ITPR1: variants seen among roughly 807,000 people sequenced by gnomAD.
The protein encoded by ITPR1 is inositol 1,4,5-trisphosphate-gated calcium channel ITPR1.
In ITPR1, 96 loss-of-function variants were observed where a neutral mutation model predicts 318.4. That is an observed-to-expected ratio of 0.30 (90% CI 0.26 to 0.36). The LOEUF is 0.36. ITPR1 is among the 10% of genes least tolerant of loss of function. The pLI, the probability that ITPR1 is intolerant of heterozygous loss-of-function variation, is 1.00. For synonymous variants in ITPR1, 1,312 were observed against 1,289.9 expected (o/e 1.02, Z -0.37); for missense variants, 2,440 against 3,460.2 (o/e 0.71, Z 7.40).
intron 2 of ITPR1, among the ~76,000 whole-genome samples, chr3:4,512,380 T>G (rs1343605635): frequency 6.6e-6 from 1 of 152,206 alleles, no homozygotes; most frequent in Non-Finnish European, 1.5e-5. Context: ...GAGGTGGAAT[T>G]ACATGCTTTA....
At chr3:4,717,062 C>T (rs1044019644) in intron 39 of ITPR1, among the ~76,000 whole-genome samples, 2 of 152,190 alleles carry the variant, frequency 1.3e-5, no homozygotes, top group African/African-American at 4.8e-5. Flanking sequence ...GCTCCCAGCT[C>T]GGTTCATGTT....
chr3:4,752,478 A>C (rs1007751049), intron 44 of ITPR1, among the ~76,000 whole-genome samples: 4 of 152,168 alleles, frequency 2.6e-5, no homozygotes, highest in African/African-American at 9.7e-5. Flanking sequence ...AGAGGTGACA[A>C]CACCACATCA....
At chr3:4,555,933 A>G (rs1000802778) in intron 4 of ITPR1, among the ~76,000 whole-genome samples, 4 of 152,204 alleles carry the variant, frequency 2.6e-5, no homozygotes, top group Admixed American at 6.5e-5. Flanking sequence ...GCTCGAAGTC[A>G]GGATTTGCAC....
At chr3:4,813,758 A>G (rs731914) in intron 57 of ITPR1, among the ~76,000 whole-genome samples, 4,326 of 152,298 alleles carry the variant, frequency 0.028, 197 homozygotes, top group African/African-American at 0.096. Flanking sequence ...AAATGAAGCC[A>G]CAGATACAAA....
chr3:4,520,280 TG>T (rs1479776681), intron 3 of ITPR1, among the ~76,000 whole-genome samples: 3 of 152,218 alleles, frequency 2.0e-5, no homozygotes. Context: ...CTAAAAGAAT[TG>T]TGCAAGTTAG....
chr3:4,653,037 G>A (rs2093631597), intron 11 of ITPR1, among the ~76,000 whole-genome samples: 1 of 152,196 alleles, frequency 6.6e-6, no homozygotes, highest in African/African-American at 2.4e-5. Flanking sequence ...ACTCAATGCT[G>A]AAGGACAGGA....
chr3:4,755,408 T>C (rs1575135793), intron 44 of ITPR1, among the ~76,000 whole-genome samples: 1 of 62,310 alleles, frequency 1.6e-5, no homozygotes, highest in South Asian at 5.1e-4. Flanking sequence ...AAAAACATTT[T>C]TTTTTTTTTT....
Position 4,726,864 on chromosome 3 carries a change from A to G in ITPR1, c.5173-262A>G, listed in dbSNP as rs558480450. ...GAACTTCTTTTTCATGATCTTTGCA[A>G]TAAATTATGTTGGCCAAAAAGTCAT... On this transcript the variant is annotated intron_variant, in intron 41 of 61. Coordinates refer to ENST00000649015, the MANE Select transcript of ITPR1 (RefSeq NM_001378452.1). Among the ~76,000 whole-genome samples the G allele has an allele frequency of 3.3e-5, 5 of 152,318 alleles. No homozygotes were observed. In the South Asian group the frequency reaches 1.0e-3, roughly 32 times the overall value.
In ITPR1 at chr3:4,667,559, G is replaced by C; in HGVS notation, c.1886+10G>C. 6.2e-7 allele frequency: 1 copy of C among 1,610,812 alleles called. No individual in the cohort carries two copies. Among genetic ancestry groups the C allele is most frequent in the East Asian group, 2.2e-5 (1 of 44,848 alleles). On this transcript the variant is annotated intron_variant, in intron 18 of 61. Transcript: ENST00000649015. Reference sequence around the variant, plus strand: ...AGAACAGGGAGCCCAGGTGAGGCGGGAGTGGGGTCCATGCAGGATGGTGTC... The same window carrying C: ...AGAACAGGGAGCCCAGGTGAGGCGGCAGTGGGGTCCATGCAGGATGGTGTC...
At chr3:4,555,936 A>G (rs1410084438) in intron 4 of ITPR1, among the ~76,000 whole-genome samples, 1 of 152,156 alleles carries the variant, frequency 6.6e-6, no homozygotes, top group African/African-American at 2.4e-5. Context: ...CGAAGTCAGG[A>G]TTTGCACACA....
intron 4 of ITPR1, among the ~76,000 whole-genome samples, chr3:4,603,454 G>C (rs1418135299): frequency 6.6e-6 from 1 of 151,972 alleles, no homozygotes; most frequent in African/African-American, 2.4e-5. Flanking sequence ...TTTTGAGACA[G>C]AGTCTCCTTC....
chr3:4,836,971 C>T, intron 61 of ITPR1, 36 bp downstream of exon 61: 1 of 1,510,314 alleles, frequency 6.6e-7, no homozygotes, highest in Non-Finnish European at 9.0e-7. Context: ...ACCCTCCCAT[C>T]ACTATCCCCA....
intron 20 of ITPR1, among the ~76,000 whole-genome samples, chr3:4,672,353 AC>A (rs1420956566): frequency 6.6e-6 from 1 of 152,206 alleles, no homozygotes; most frequent in Non-Finnish European, 1.5e-5. Flanking sequence ...TGTGAAATAG[AC>A]TCATGTCTAC....
At chr3:4,601,007 G>A (rs55635152) in intron 4 of ITPR1, among the ~76,000 whole-genome samples, 2 of 152,030 alleles carry the variant, frequency 1.3e-5, no homozygotes, top group Admixed American at 1.3e-4. Context: ...TATTTTCTGA[G>A]TAACTAATTG....
chr3:4,549,035 C>T (rs2085301896), intron 4 of ITPR1, among the ~76,000 whole-genome samples: 2 of 152,152 alleles, frequency 1.3e-5, no homozygotes, highest in African/African-American at 4.8e-5. Context: ...GTGCAAACAA[C>T]ACCAGGCCAC....
chr3:4,503,757 G>A (rs2081204647), intron 2 of ITPR1, among the ~76,000 whole-genome samples: 1 of 152,064 alleles, frequency 6.6e-6, no homozygotes, highest in Admixed American at 6.6e-5. Context: ...AAGAAACCCT[G>A]TCCTTGAGTG....
At chr3:4,524,308 T>TTTG (rs1193110048) in intron 4 of ITPR1, among the ~76,000 whole-genome samples, 1 of 149,440 alleles carries the variant, frequency 6.7e-6, no homozygotes, top group East Asian at 1.9e-4. Context: ...GACGTTTTTT[T>TTTG]TTTTTTTTTT....
chr3:4,803,461 G>C (rs187315423), intron 54 of ITPR1, among the ~76,000 whole-genome samples: 1 of 152,288 alleles, frequency 6.6e-6, no homozygotes. Context: ...TAGTTTTTCA[G>C]GGTGAAAATG....
intron 4 of ITPR1, among the ~76,000 whole-genome samples, chr3:4,617,935 T>C (rs947032792): frequency 6.7e-6 from 1 of 148,726 alleles, no homozygotes; most frequent in Non-Finnish European, 1.5e-5. Flanking sequence ...CAGTGAGCAA[T>C]GATGGTGCCA....
Sources: gnomAD v4.1 joint callset for allele counts (sites outside exome capture counted in the v4.1 genomes callset) on GRCh38, gnomAD v4.1.1 for gene constraint, MANE v1.5 for transcripts, NCBI Gene and HGNC (gene_info 2026-07-23, HGNC 2026-07-21) for gene names.